Variants in RALGAPB observed in about 807,000 individuals in gnomAD.
The protein encoded by RALGAPB is Ral GTPase activating protein non-catalytic subunit beta.
Under a neutral mutation model 161.1 loss-of-function variants are expected in RALGAPB, and 25 were observed. The observed-to-expected ratio is 0.16, with a 90% confidence interval of 0.11 to 0.22. RALGAPB has a LOEUF of 0.22. RALGAPB is among the 10% of genes least tolerant of loss of function. RALGAPB has a pLI of 1.00. For missense variants in RALGAPB, 1,391 were observed against 1,815.2 expected, an observed-to-expected ratio of 0.77 and a Z score of 4.25; for synonymous variants, 629 against 626.1, an observed-to-expected ratio of 1.00 and a Z score of -0.07.
At position 38,562,544 on chromosome 20, in the gene RALGAPB, G is replaced by A. The variant is rs1253394719; in HGVS notation, c.3544G>A (p.Val1182Met). ...GTATGTATTTCAGATTTTAAAGAATGTGGAGTCTTCCAGAACTGTTCAGCC... is the reference window on the plus strand; with the variant it reads ...GTATGTATTTCAGATTTTAAAGAATATGGAGTCTTCCAGAACTGTTCAGCC... Reference protein sequence around the residue: ...QKTNQEILKNVESSRTVQPHF... With the variant: ...QKTNQEILKNMESSRTVQPHF... The change falls in exon 24 of 30, where the codon GTG becomes ATG. Residue 1182 changes from valine (V) to methionine (M), a missense_variant. Transcript: ENST00000262879. 2.5e-6 allele frequency: 4 copies of A among 1,603,484 alleles called. No individual in the cohort carries two copies. Among genetic ancestry groups the A allele is most frequent in the Middle Eastern group, 1.7e-4 (1 of 6,048 alleles).
Position 38,517,863 on chromosome 20 carries a change from C to T in RALGAPB, c.1280C>T (p.Ser427Leu), listed in dbSNP as rs777870306. 12 of 1,613,932 alleles carry T rather than the reference C, an allele frequency of 7.4e-6. No individual in the cohort carries two copies. The South Asian group carries it at 1.3e-4, about 18-fold the overall frequency. ...SPLSSPNQTS[S>L]EPRPLPAPRR... ...CTGTCAAGTCCAAATCAGACTAGTT[C>T]AGAACCCCGGCCACTGCCTGCCCCT... Residue 427 changes from serine to leucine, a missense_variant, in exon 9 of 30, where the codon TCA (serine) becomes TTA (leucine). By Grantham distance (145) the Ser-to-Leu change is moderately radical. Coordinates refer to ENST00000262879, the MANE Select transcript of RALGAPB (RefSeq NM_020336.4).
chr20:38,532,061 T>C (rs2086668523), intron 14 of RALGAPB, among the ~76,000 whole-genome samples: 1 of 152,170 alleles, frequency 6.6e-6, no homozygotes, highest in Admixed American at 6.5e-5. Flanking sequence ...TTGTTTTGTT[T>C]TGCTTTGGTT....
chr20:38,515,866 T>G (rs2123076554), intron 6 of RALGAPB, among the ~76,000 whole-genome samples: 1 of 152,300 alleles, frequency 6.6e-6, no homozygotes, highest in East Asian at 1.9e-4. Flanking sequence ...TCCAAGTAGT[T>G]GGGACCATAG....
chr20:38,570,783 T>C lies in RALGAPB; in HGVS notation c.4078T>C (p.Ser1360Pro). 6.2e-7 allele frequency: 1 copy of C among 1,605,402 alleles called. No homozygotes were observed. The highest frequency in any genetic ancestry group is 1.3e-5 in the African/African-American group (1 of 74,810). ...RYDDIENFPL[S>P]ELMTEISTGV... ...TTTTCTTCCAGAAAACTTTCCCCTC[T>C]CAGAGCTGATGACAGAGATCAGTAC... is the stretch of plus-strand genomic sequence containing the variant. Residue 1360 changes from serine to proline, a missense_variant, in exon 28 of 30, where the codon TCA (serine) becomes CCA (proline). Around this residue, in one of 3 missense-constraint regions of RALGAPB, gnomAD observed 436 missense variants for 527.0 expected, o/e 0.83. Coordinates refer to ENST00000262879, the MANE Select transcript of RALGAPB (RefSeq NM_020336.4).
At chr20:38,504,917 C>A (rs1444587877) in intron 5 of RALGAPB, among the ~76,000 whole-genome samples, 1 of 151,886 alleles carries the variant, frequency 6.6e-6, no homozygotes, top group African/African-American at 2.4e-5. Flanking sequence ...ATTAAAAAGT[C>A]AAAAAAACAG....
chr20:38,538,368 C>T (rs368368592), intron 16 of RALGAPB: 7 of 218,472 alleles, frequency 3.2e-5, no homozygotes, highest in African/African-American at 9.3e-5. Context: ...TGCCTGACCA[C>T]GTGAGCACTG....
chr20:38,575,071 G>A lies in RALGAPB; in HGVS notation c.*104G>A. ...AAAAATAAAAACAAATCACTCCCAAGAGCTTACTGTTTAATCACCAGAATA... is the reference window on the plus strand; with the variant it reads ...AAAAATAAAAACAAATCACTCCCAAAAGCTTACTGTTTAATCACCAGAATA... On this transcript the variant is annotated 3_prime_UTR_variant, in exon 30 of 30. Coordinates refer to ENST00000262879, the MANE Select transcript of RALGAPB (RefSeq NM_020336.4). The A allele has an allele frequency of 1.0e-6, 1 of 971,456 alleles. No individual in the cohort carries two copies. Among genetic ancestry groups the A allele is most frequent in the Non-Finnish European group, 1.6e-6 (1 of 638,586 alleles). 60.2% of individuals were successfully genotyped at this position (971,456 alleles called of 1,614,324 possible). A position where few individuals can be genotyped will look rare whatever the true frequency, so the allele number is the denominator to read the frequency against.
At position 38,525,277 on chromosome 20, in the gene RALGAPB, A is replaced by C. The variant is rs546381011; in HGVS notation, c.1788-127A>C. 6.5e-5 allele frequency: 46 copies of C among 713,150 alleles called. No individual in the cohort carries two copies. The Admixed American group carries it at 1.3e-3, about 20-fold the overall frequency. The allele number at this position is 713,150 out of a possible 1,614,324, so 44.2% of individuals were successfully genotyped here. ...TCTAGTTTAATTCAGTAACAGTTTA[A>C]CTTAGAAATATACAATATACAAATA... On this transcript the variant is annotated intron_variant, in intron 11 of 29. Coordinates refer to ENST00000262879, the MANE Select transcript of RALGAPB (RefSeq NM_020336.4).
chr20:38,526,714 A>C (rs1395156802), intron 13 of RALGAPB, among the ~76,000 whole-genome samples: 2 of 151,982 alleles, frequency 1.3e-5, no homozygotes, highest in African/African-American at 4.8e-5. Flanking sequence ...CGCTTTTTAC[A>C]TGTTTTTCAA....
At chr20:38,543,775 G>C (rs1048435680) in intron 18 of RALGAPB, among the ~76,000 whole-genome samples, 1 of 152,172 alleles carries the variant, frequency 6.6e-6, no homozygotes, top group African/African-American at 2.4e-5. Flanking sequence ...AGTGCTTATA[G>C]CAAATCTATC....
intron 7 of RALGAPB, among the ~76,000 whole-genome samples, chr20:38,517,296 T>A (rs570798162): frequency 2.6e-4 from 39 of 152,260 alleles, no homozygotes; most frequent in Admixed American, 2.4e-3. Context: ...GTTTGAAAAT[T>A]GAGTCATTTT....
intron 1 of RALGAPB, among the ~76,000 whole-genome samples, chr20:38,480,615 G>A (rs1461601771): frequency 6.6e-6 from 1 of 151,522 alleles, no homozygotes; most frequent in Non-Finnish European, 1.5e-5. Flanking sequence ...TTGAACTCCT[G>A]ACCTCAGGTG....
At chr20:38,546,820 G>A (rs139962812) in intron 19 of RALGAPB, 1 of 171,018 alleles carries the variant, frequency 5.8e-6, no homozygotes, top group Non-Finnish European at 1.3e-5. Context: ...AGAAACTTGA[G>A]GAGTTATCTT....
intron 1 of RALGAPB, among the ~76,000 whole-genome samples, chr20:38,480,648 A>G (rs1382469667): frequency 6.6e-6 from 1 of 151,254 alleles, no homozygotes; most frequent in African/African-American, 2.4e-5. Flanking sequence ...TCGGCCTCCC[A>G]AAGTGCTGGG....
intron 11 of RALGAPB, 65 bp downstream of exon 11, chr20:38,525,010 C>T (rs1419180228): frequency 1.4e-6 from 2 of 1,449,160 alleles, no homozygotes; most frequent in African/African-American, 2.8e-5. Context: ...GGTGCTTCCT[C>T]CCCAGTTTCC....
At chr20:38,558,564 A>G in intron 23 of RALGAPB, 111 bp downstream of exon 23, 1 of 1,017,470 alleles carries the variant, frequency 9.8e-7, no homozygotes, top group Admixed American at 2.9e-5. Context: ...GCCAGAGTTG[A>G]GGACTGCAGC....
intron 1 of RALGAPB, among the ~76,000 whole-genome samples, chr20:38,479,071 T>C (rs1488437667): frequency 6.6e-6 from 1 of 152,220 alleles, no homozygotes; most frequent in Non-Finnish European, 1.5e-5. Flanking sequence ...TGTTTTGTTG[T>C]ATTATGCTGC....
chr20:38,521,693 A>G lies in RALGAPB; in HGVS notation c.1614A>G (p.Leu538=). The G allele has an allele frequency of 6.2e-7, 1 of 1,613,308 alleles. No homozygotes were observed. The highest frequency in any genetic ancestry group is 2.2e-5 in the East Asian group (1 of 44,882). Residue 538 remains leucine, a synonymous_variant, in exon 10 of 30, where the codon TTA becomes TTG. Transcript: ENST00000262879. The stretch of plus-strand genomic sequence containing the variant: ...GAGAAGAGATTCTGCCAGCTTATTT[A>G]TCCAGGTCTTGGAATTTTTGTTTGT... The part of the protein sequence containing the change: ...KTGEEILPAY[L]SRFYMLLIQG...
At chr20:38,511,757 ATC>A (rs2085962943) in intron 6 of RALGAPB, among the ~76,000 whole-genome samples, 1 of 152,168 alleles carries the variant, frequency 6.6e-6, no homozygotes, top group African/African-American at 2.4e-5. Flanking sequence ...GTAACATCTG[ATC>A]TCTCTTTCTT....
Sources: gnomAD v4.1 joint callset for allele counts (sites outside exome capture counted in the v4.1 genomes callset) on GRCh38, gnomAD v4.1.1 for gene constraint, gnomAD v4.1.1 regional missense constraint, MANE v1.5 for transcripts, NCBI Gene and HGNC (gene_info 2026-07-23, HGNC 2026-07-21) for gene names.